Variants in POLE observed in about 807,000 individuals in gnomAD.
The protein encoded by POLE is DNA polymerase epsilon, catalytic subunit.
POLE carries 188 observed loss-of-function variants against 279.2 expected under a neutral mutation model. The observed-to-expected ratio is 0.67, with a 90% CI of 0.60 to 0.76. POLE has a LOEUF of 0.76. Ranked by LOEUF, POLE falls within the 30% of genes least tolerant of loss-of-function variation. The pLI, the probability that POLE is intolerant of heterozygous loss-of-function variation, is 0.00. For missense variants in POLE, 2,703 were observed against 3,016.7 expected, an observed-to-expected ratio of 0.90 and a Z score of 2.44; for synonymous variants, 1,214 against 1,172.5, an observed-to-expected ratio of 1.04 and a Z score of -0.72.
intron 16 of POLE, among the ~76,000 whole-genome samples, chr12:132,670,371 T>A (rs957445973): frequency 1.3e-5 from 2 of 150,622 alleles, no homozygotes; most frequent in Non-Finnish European, 1.5e-5. Flanking sequence ...AGTGAAACTC[T>A]GTCTCAGATT....
intron 29 of POLE, among the ~76,000 whole-genome samples, chr12:132,656,487 T>C (rs2042542664): frequency 6.6e-6 from 1 of 151,608 alleles, no homozygotes. Flanking sequence ...GCCTCCCGAG[T>C]AGCTAGGACT....
intron 29 of POLE, among the ~76,000 whole-genome samples, chr12:132,655,833 C>T (rs930169295): frequency 6.6e-6 from 1 of 151,990 alleles, no homozygotes; most frequent in South Asian, 2.1e-4. Flanking sequence ...TTTTGCTTTT[C>T]CTGCGTCCTA....
chr12:132,653,376 A>T (rs1184561947), intron 29 of POLE, among the ~76,000 whole-genome samples: 1 of 152,260 alleles, frequency 6.6e-6, no homozygotes. Context: ...CCATGTCTCA[A>T]AAAGAAAAAA....
intron 43 of POLE, chr12:132,633,863 A>G (rs1271585745): frequency 4.0e-6 from 1 of 252,870 alleles, no homozygotes; most frequent in Non-Finnish European, 7.5e-6. Context: ...CTGGGAATGT[A>G]TGTGACTGAG....
At chr12:132,681,958 G>C (rs2043176340) in intron 1 of POLE, among the ~76,000 whole-genome samples, 1 of 152,232 alleles carries the variant, frequency 6.6e-6, no homozygotes, top group Non-Finnish European at 1.5e-5. Flanking sequence ...GCCAAGGCGG[G>C]TGGATCACCT....
chr12:132,661,756 T>C lies in POLE; in HGVS notation c.2707-72A>G, dbSNP rs1046395119. 7 of 1,461,798 alleles carry C rather than the reference T, an allele frequency of 4.8e-6. No homozygotes were observed. Among genetic ancestry groups the C allele is most frequent in the Non-Finnish European group, 6.6e-6 (7 of 1,064,146 alleles). 90.6% of individuals were successfully genotyped at this position (1,461,798 alleles called of 1,614,324 possible). ...AAACCTGGAAACCACCTGGTGTCCCTCCAGGAGTGGATGGATTGACAAACC... is the reference window on the plus strand; with the variant it reads ...AAACCTGGAAACCACCTGGTGTCCCCCCAGGAGTGGATGGATTGACAAACC... On this transcript the variant is annotated intron_variant, in intron 23 of 48. Transcript: ENST00000320574. This position sits in a 1 kb window ranked among gnomAD's most constrained non-coding sequence, Gnocchi z 4.1.
In POLE at chr12:132,680,213, G is replaced by C. The variant is rs1060500863; in HGVS notation, c.295C>G (p.Pro99Ala). 1 of 1,614,022 alleles carries C rather than the reference G, an allele frequency of 6.2e-7. No homozygotes were observed. Among genetic ancestry groups the C allele is most frequent in the Non-Finnish European group, 8.5e-7 (1 of 1,179,882 alleles). Residue 99 changes from proline (P) to alanine (A), a missense_variant, in exon 4 of 49, where the codon CCC (proline) becomes GCC (alanine). Coordinates refer to ENST00000320574, the MANE Select transcript of POLE (RefSeq NM_006231.4). The part of the protein sequence containing the change: ...DDGSRFKVAL[P>A]YKPYFYIATR... ...GCAATGTAGAAATACGGTTTATAGG[G>C]CAAAGCCACCTGTTAAGAGTCACCA...
At chr12:132,671,242 G>A (rs2042920965) in intron 16 of POLE, among the ~76,000 whole-genome samples, 2 of 123,998 alleles carry the variant, frequency 1.6e-5, no homozygotes, top group African/African-American at 6.7e-5. Flanking sequence ...CAGTGTGGGT[G>A]ACAGAGCAAG....
At chr12:132,685,635 T>C (rs2043242139) in intron 1 of POLE, among the ~76,000 whole-genome samples, 1 of 152,168 alleles carries the variant, frequency 6.6e-6, no homozygotes, top group Non-Finnish European at 1.5e-5. Flanking sequence ...GGCAGTGGAG[T>C]GGAGCACGTG....
In POLE at chr12:132,657,327, G is replaced by A. The variant is rs5744887; in HGVS notation, c.3459+22C>T. The A allele has an allele frequency of 5.6e-4, 909 of 1,613,980 alleles. 7 individuals carry two copies. In the African/African-American group the frequency reaches 0.011, roughly 19 times the overall value. Reference sequence around the variant, plus strand: ...TGCACAGTTTTTAGCCCCACAGCCCGTGCCACTGACCCCGCCCTTACCTGC... The same window carrying A: ...TGCACAGTTTTTAGCCCCACAGCCCATGCCACTGACCCCGCCCTTACCTGC... On this transcript the variant is annotated intron_variant, in intron 28 of 48. Coordinates refer to ENST00000320574, the MANE Select transcript of POLE (RefSeq NM_006231.4).
rs2136052229 is a variant in POLE at position 132,687,292 on chromosome 12, C to T, written c.24G>A (p.Arg8=). MSLRSGG[R]RRADPGADGE... ...CATCCGCGCCTGGGTCCGCGCGCCG[C>T]CGCCCGCCGCTCCTCAGAGACATGG... is the stretch of plus-strand genomic sequence containing the variant. Residue 8 remains arginine, a synonymous_variant, in exon 1 of 49, where the codon CGG becomes CGA. Transcript: ENST00000320574. The T allele has an allele frequency of 2.0e-6, 3 of 1,504,638 alleles. No individual in the cohort carries two copies. Among genetic ancestry groups the T allele is most frequent in the Non-Finnish European group, 2.7e-6 (3 of 1,128,508 alleles). 93.2% of individuals were successfully genotyped at this position (1,504,638 alleles called of 1,614,324 possible).
At chr12:132,667,760 C>G in intron 19 of POLE, 112 bp from the exon 20 acceptor site, 1 of 1,127,400 alleles carries the variant, frequency 8.9e-7, no homozygotes, top group African/African-American at 1.5e-5. Flanking sequence ...AAAGGAGCAA[C>G]AGCTCAGATA....
chr12:132,644,750 A>G (rs550692805), intron 32 of POLE, among the ~76,000 whole-genome samples: 17 of 94,944 alleles, frequency 1.8e-4, no homozygotes, highest in African/African-American at 6.4e-4. Context: ...GGTCTGGGAG[A>G]GCTGGAGAGG....
Position 132,634,569 on chromosome 12 carries a change from G to A in POLE, c.5812-191C>T, listed in dbSNP as rs2041998938. ...TGGCTCCCAGTACAAAGTGCTTTGTGGGAAGCGCCTGGCACACAGAAGTGC... is the reference window on the plus strand; with the variant it reads ...TGGCTCCCAGTACAAAGTGCTTTGTAGGAAGCGCCTGGCACACAGAAGTGC... On this transcript the variant is annotated intron_variant, in intron 42 of 48. Transcript: ENST00000320574. This position sits in a 1 kb window ranked among gnomAD's most constrained non-coding sequence, Gnocchi z 4.0. Among the ~76,000 whole-genome samples the A allele has an allele frequency of 6.6e-6, 1 of 152,156 alleles. No homozygotes were observed. The highest frequency in any genetic ancestry group is 6.5e-5 in the Admixed American group (1 of 15,290).
intron 43 of POLE, chr12:132,633,953 C>G: frequency 2.2e-6 from 1 of 448,386 alleles, no homozygotes; most frequent in Non-Finnish European, 3.9e-6. Context: ...CATGGAGTTT[C>G]CTGAGAGCAA....
In POLE at chr12:132,634,175, T is replaced by C. The variant is rs201591857; in HGVS notation, c.6004+11A>G. ...CAGTGGGGGCTGCGCAGCCCTGGGC[T>C]CTGGGCTTACCTGAAACAATCATGA... On this transcript the variant is annotated intron_variant, in intron 43 of 48. Coordinates refer to ENST00000320574, the MANE Select transcript of POLE (RefSeq NM_006231.4). This position sits in a 1 kb window ranked among gnomAD's most constrained non-coding sequence, Gnocchi z 4.0. The C allele has an allele frequency of 1.1e-3, 1,740 of 1,604,464 alleles. 2 individuals carry two copies. Among genetic ancestry groups the C allele is most frequent in the Non-Finnish European group, 1.4e-3 (1,663 of 1,174,220 alleles).
At position 132,634,755 on chromosome 12, in the gene POLE, C is replaced by A. The variant is rs1364921728; in HGVS notation, c.5812-377G>T. 6.6e-6 allele frequency among the ~76,000 whole-genome samples: 1 copy of A among 152,192 alleles called. No homozygotes were observed. Among genetic ancestry groups the A allele is most frequent in the Non-Finnish European group, 1.5e-5 (1 of 68,026 alleles). On this transcript the variant is annotated intron_variant, in intron 42 of 48. Coordinates refer to ENST00000320574, the MANE Select transcript of POLE (RefSeq NM_006231.4). This position sits in a 1 kb window ranked among gnomAD's most constrained non-coding sequence, Gnocchi z 4.0. ...TGGGACGGCACGACCCCATCACAGA[C>A]CCAGCCTCCCGCGCAGCCTGTGTTC...
intron 43 of POLE, 95 bp from the exon 44 acceptor site, chr12:132,632,890 GA>G: frequency 3.0e-6 from 4 of 1,332,842 alleles, no homozygotes; most frequent in Non-Finnish European, 3.1e-6. Flanking sequence ...TTGCCTCACA[GA>G]TGAGGCTAAA....
intron 32 of POLE, 84 bp from the exon 33 acceptor site, chr12:132,644,061 G>T: frequency 1.4e-6 from 2 of 1,415,486 alleles, no homozygotes; most frequent in African/African-American, 2.4e-5. Context: ...GCTATTCGGA[G>T]TCCTAGACTT....
Sources: gnomAD v4.1 joint callset for allele counts (sites outside exome capture counted in the v4.1 genomes callset) on GRCh38, gnomAD v4.1.1 for gene constraint, Gnocchi (gnomAD v3.1) non-coding constraint, MANE v1.5 for transcripts, NCBI Gene and HGNC (gene_info 2026-07-23, HGNC 2026-07-21) for gene names.